ROPN1L: variants seen among roughly 807,000 people sequenced by gnomAD.
The protein encoded by ROPN1L is ropporin-1-like protein.
A neutral mutation model predicts 22.7 loss-of-function variants in ROPN1L; 23 were observed. That is an observed-to-expected ratio of 1.01 (90% CI 0.73 to 1.43). ROPN1L has a LOEUF of 1.43. Among genes scored for constraint, ROPN1L ranks in the 40% most tolerant of loss-of-function variants. The pLI, the probability that ROPN1L is intolerant of heterozygous loss-of-function variation, is 0.00. For missense variants in ROPN1L, 271 were observed against 291.5 expected (o/e 0.93, Z 0.51); for synonymous variants, 116 against 117.8 (o/e 0.98, Z 0.10).
downstream of ROPN1L, among the ~76,000 whole-genome samples, chr5:10,473,710 T>G (rs759656072): frequency 1.2e-4 from 19 of 152,206 alleles, no homozygotes; most frequent in Non-Finnish European, 2.1e-4. Context: ...GGTTTGGTTT[T>G]CTTTTGATTC....
At chr5:10,470,918 A>G (rs992911944) in intron 4 of ROPN1L, among the ~76,000 whole-genome samples, 1 of 152,156 alleles carries the variant, frequency 6.6e-6, no homozygotes, top group Non-Finnish European at 1.5e-5. Flanking sequence ...TTAAGTTCTC[A>G]TCCCAGTGGC....
intron 3 of ROPN1L, among the ~76,000 whole-genome samples, chr5:10,458,066 A>G (rs1734885343): frequency 1.3e-5 from 2 of 152,012 alleles, no homozygotes; most frequent in Admixed American, 1.3e-4. Flanking sequence ...TGCTGAGTTC[A>G]GGCTGCCAAG....
In ROPN1L at chr5:10,454,501, T is replaced by C. The variant is rs1325602283; in HGVS notation, c.417+4388T>C. Among the ~76,000 whole-genome samples, 3 of 152,196 alleles carry C rather than the reference T, an allele frequency of 2.0e-5. No homozygotes were observed. In the East Asian group the frequency reaches 5.8e-4, roughly 29 times the overall value. On this transcript the variant is annotated intron_variant, in intron 3 of 4. Coordinates refer to ENST00000274134, the MANE Select transcript of ROPN1L (RefSeq NM_031916.5). ...CTGTGGATCAAAATGTTTTGTTTTG[T>C]CTTTTAAGCATGGAGATCTTTTTTT... is the stretch of plus-strand genomic sequence containing the variant.
chr5:10,456,766 C>T (rs763062323), intron 3 of ROPN1L, among the ~76,000 whole-genome samples: 1 of 152,206 alleles, frequency 6.6e-6, no homozygotes, highest in African/African-American at 2.4e-5. Flanking sequence ...TTGTCAGAAA[C>T]GTTGACATGG....
downstream of ROPN1L, among the ~76,000 whole-genome samples, chr5:10,474,153 A>G (rs1735287695): frequency 7.2e-6 from 1 of 139,630 alleles, no homozygotes; most frequent in African/African-American, 2.9e-5. Context: ...CTGTGTCTCA[A>G]AAAAAGGAAA....
chr5:10,478,967 T>G, the ROPN1L span, among the ~76,000 whole-genome samples: 1 of 152,198 alleles, frequency 6.6e-6, no homozygotes, highest in Non-Finnish European at 1.5e-5. Flanking sequence ...TTTTCACCAA[T>G]ATTTGCAGCC....
downstream of ROPN1L, among the ~76,000 whole-genome samples, chr5:10,465,407 T>A (rs957746303): frequency 6.6e-6 from 1 of 150,588 alleles, no homozygotes; most frequent in Non-Finnish European, 1.5e-5. Context: ...CCCAGCTACT[T>A]GGGAGGCTGA....
intron 1 of ROPN1L, among the ~76,000 whole-genome samples, chr5:10,445,438 G>A (rs563451530): frequency 3.9e-5 from 6 of 152,116 alleles, no homozygotes; most frequent in Non-Finnish European, 8.8e-5. Context: ...AAAAATGAAG[G>A]GTCACGAAAG....
chr5:10,460,778 C>T (rs1561176153), intron 3 of ROPN1L, among the ~76,000 whole-genome samples: 1 of 152,370 alleles, frequency 6.6e-6, no homozygotes, highest in East Asian at 1.9e-4. Flanking sequence ...CTGCCCTCTG[C>T]AGGCAGCACC....
intron 3 of ROPN1L, among the ~76,000 whole-genome samples, chr5:10,456,843 C>A (rs1741436263): frequency 6.6e-6 from 1 of 152,176 alleles, no homozygotes; most frequent in South Asian, 2.1e-4. Context: ...TCCTTAAATA[C>A]CGCTTCCTCT....
intron 4 of ROPN1L, among the ~76,000 whole-genome samples, chr5:10,461,695 G>A (rs1049060670): frequency 4.6e-5 from 7 of 152,146 alleles, no homozygotes; most frequent in Non-Finnish European, 1.0e-4. Context: ...AGGTTATTTT[G>A]CCTGTGCTTC....
intron 1 of ROPN1L, among the ~76,000 whole-genome samples, chr5:10,447,233 T>C (rs1340629812): frequency 1.3e-5 from 2 of 152,218 alleles, no homozygotes; most frequent in Non-Finnish European, 2.9e-5. Context: ...CATCGCCACC[T>C]CTGGCAAAGA....
intron 1 of ROPN1L, among the ~76,000 whole-genome samples, chr5:10,443,926 T>C (rs1006519907): frequency 6.6e-6 from 1 of 152,150 alleles, no homozygotes. Flanking sequence ...CAGGGCAGTT[T>C]TCCCACCCGA....
At chr5:10,444,911 A>T (rs1186110541) in intron 1 of ROPN1L, among the ~76,000 whole-genome samples, 1 of 152,072 alleles carries the variant, frequency 6.6e-6, no homozygotes, top group Non-Finnish European at 1.5e-5. Flanking sequence ...AAATAAATAA[A>T]TAAATAAGAG....
chr5:10,463,669 C>T (rs1020099432), intron 4 of ROPN1L, among the ~76,000 whole-genome samples: 16 of 152,214 alleles, frequency 1.1e-4, no homozygotes, highest in African/African-American at 3.6e-4. Context: ...TATTGAGCAC[C>T]TGCTCTGTGC....
At chr5:10,470,787 G>A (rs1028431851) in intron 4 of ROPN1L, among the ~76,000 whole-genome samples, 1 of 152,254 alleles carries the variant, frequency 6.6e-6, no homozygotes, top group African/African-American at 2.4e-5. Context: ...TGCCCTGGCC[G>A]TGGGGCCTCG....
chr5:10,468,097 G>A (rs1220160502), downstream of ROPN1L, among the ~76,000 whole-genome samples: 1 of 152,200 alleles, frequency 6.6e-6, no homozygotes, highest in Admixed American at 6.5e-5. Flanking sequence ...GGGGGTCTTC[G>A]TCTGGTTCCT....
At chr5:10,473,833 A>G (rs1313651251), downstream of ROPN1L, among the ~76,000 whole-genome samples, 1 of 152,176 alleles carries the variant, frequency 6.6e-6, no homozygotes, top group Non-Finnish European at 1.5e-5. Flanking sequence ...GAGTTCTAGA[A>G]TGGAGAGAAG....
At chr5:10,446,107 G>A (rs976723263) in intron 1 of ROPN1L, among the ~76,000 whole-genome samples, 1 of 152,202 alleles carries the variant, frequency 6.6e-6, no homozygotes, top group Admixed American at 6.5e-5. Flanking sequence ...TTGTGCAGTT[G>A]TGCCTCACAC....
Sources: allele counts gnomAD v4.1 joint callset (sites outside exome capture counted in the v4.1 genomes callset), GRCh38; gene constraint gnomAD v4.1.1; transcripts MANE v1.5; gene names NCBI Gene and HGNC (gene_info 2026-07-23, HGNC 2026-07-21).